The following PPP6R2 variants were observed in gnomAD, a reference collection of about 807,000 sequenced individuals.
PPP6R2 encodes the protein serine/threonine-protein phosphatase 6 regulatory subunit 2.
Under a neutral mutation model 100.2 loss-of-function variants are expected in PPP6R2, and 62 were observed. That is an observed-to-expected ratio of 0.62 (90% CI 0.50 to 0.76). PPP6R2 has a LOEUF of 0.76. Among genes scored for constraint, PPP6R2 ranks in the 30% least tolerant of loss-of-function variants. The pLI is 0.00. For synonymous variants in PPP6R2, 525 were observed against 514.7 expected (o/e 1.02, Z -0.27); for missense variants, 1,142 against 1,276.3 (o/e 0.89, Z 1.60).
chr22:50,390,222 C>T (rs2055179940), intron 2 of PPP6R2, among the ~76,000 whole-genome samples: 1 of 152,076 alleles, frequency 6.6e-6, no homozygotes, highest in Non-Finnish European at 1.5e-5. Flanking sequence ...AAACTCCTGA[C>T]CTCAGGTGAT....
At chr22:50,387,381 T>C (rs1214628342) in intron 2 of PPP6R2, among the ~76,000 whole-genome samples, 3 of 152,208 alleles carry the variant, frequency 2.0e-5, no homozygotes, top group Non-Finnish European at 4.4e-5. Context: ...CTTCTGATTT[T>C]GGATTTTTAC....
chr22:50,371,446 G>C (rs534862666), intron 1 of PPP6R2, among the ~76,000 whole-genome samples: 323 of 152,056 alleles, frequency 2.1e-3, no homozygotes, highest in Middle Eastern at 6.8e-3. Flanking sequence ...GACTGGAGCT[G>C]TGAATAGCTA....
chr22:50,396,222 T>C (rs113326239), intron 3 of PPP6R2, among the ~76,000 whole-genome samples: 47 of 84,780 alleles, frequency 5.5e-4, no homozygotes, highest in African/African-American at 1.8e-3. Flanking sequence ...AAAAGCCGGG[T>C]GTGGTGGCTC....
intron 1 of PPP6R2, among the ~76,000 whole-genome samples, chr22:50,371,537 T>C (rs1275555157): frequency 1.3e-5 from 2 of 152,198 alleles, no homozygotes; most frequent in African/African-American, 4.8e-5. Context: ...TAAAATATCA[T>C]TTTAACTGTC....
At chr22:50,422,203 T>C in intron 8 of PPP6R2, 51 bp from the exon 9 acceptor site, 1 of 1,586,280 alleles carries the variant, frequency 6.3e-7, no homozygotes, top group Non-Finnish European at 8.6e-7. Flanking sequence ...GCTGGTGAGG[T>C]TGGACAGGGT....
chr22:50,368,199 G>C (rs945884779), intron 1 of PPP6R2, among the ~76,000 whole-genome samples: 1 of 152,236 alleles, frequency 6.6e-6, no homozygotes, highest in African/African-American at 2.4e-5. Context: ...TCACAGAGAC[G>C]TTTACGCCTC....
At chr22:50,342,845 G>T (rs1462530029), upstream of PPP6R2, among the ~76,000 whole-genome samples, 1 of 151,986 alleles carries the variant, frequency 6.6e-6, no homozygotes, top group Non-Finnish European at 1.5e-5. Context: ...GACGCGGGAC[G>T]GGGAGGGGCC....
chr22:50,382,233 T>C (rs1305304441), intron 2 of PPP6R2, among the ~76,000 whole-genome samples: 1 of 152,116 alleles, frequency 6.6e-6, no homozygotes, highest in Non-Finnish European at 1.5e-5. Context: ...TCCAAAATGA[T>C]CCAAAGCTAT....
intron 22 of PPP6R2, chr22:50,443,181 TCTC>T (rs965858360): frequency 6.6e-6 from 1 of 152,050 alleles, no homozygotes; most frequent in Admixed American, 6.5e-5. Flanking sequence ...TTTACCCACT[TCTC>T]CTAAACAACC....
chr22:50,439,666 G>A (rs761459327), intron 19 of PPP6R2, 35 bp from the exon 20 acceptor site: 1 of 1,520,094 alleles, frequency 6.6e-7, no homozygotes, highest in South Asian at 1.3e-5. Context: ...CCCCAGGCCT[G>A]CCCACGCCTG....
upstream of PPP6R2, among the ~76,000 whole-genome samples, chr22:50,341,086 A>G (rs1169351519): frequency 6.6e-6 from 1 of 150,790 alleles, no homozygotes; most frequent in Non-Finnish European, 1.5e-5. Flanking sequence ...AATTTTTTAT[A>G]TGTTTAGTAG....
In PPP6R2 at chr22:50,385,192, A is replaced by AGTTTT. The variant is rs199598523; in HGVS notation, c.-16-8684_-16-8680dup. On this transcript the variant is annotated intron_variant, in intron 2 of 23. Transcript: ENST00000612753. The stretch of plus-strand genomic sequence containing the variant: ...TTTCAATACTGCCACACTGGGATTA[A>AGTTTT]GTTTTGTTTTGTTTTGTTTTGGAGA... 1.9e-3 allele frequency among the ~76,000 whole-genome samples: 294 copies of AGTTTT among 152,014 alleles called. 8 individuals are homozygous for AGTTTT. In the East Asian group the frequency reaches 0.044, roughly 23 times the overall value.
intron 4 of PPP6R2, among the ~76,000 whole-genome samples, chr22:50,409,745 G>A (rs1232459615): frequency 2.6e-5 from 4 of 151,932 alleles, no homozygotes; most frequent in African/African-American, 9.7e-5. Flanking sequence ...GATGATTTTT[G>A]AGATGGAGTT....
At chr22:50,404,476 TGCCTCCCGGGCTCAAGCCATCCTGC>T (rs1343313355) in intron 3 of PPP6R2, among the ~76,000 whole-genome samples, 37 of 152,016 alleles carry the variant, frequency 2.4e-4, no homozygotes, top group Middle Eastern at 3.4e-3. Flanking sequence ...CGGCAACCTC[TGCCTCCCGGGCTCAAGCCATCCTGC>T]GCCTCCCGGG....
At chr22:50,442,587 T>C (rs552272745) in intron 22 of PPP6R2, among the ~76,000 whole-genome samples, 82 of 152,250 alleles carry the variant, frequency 5.4e-4, no homozygotes, top group African/African-American at 1.9e-3. Context: ...TCTTGCTCTG[T>C]TGCCCAGGCT....
In PPP6R2 at chr22:50,418,975, G is replaced by A. The variant is rs1308764537; in HGVS notation, c.727G>A (p.Glu243Lys). The A allele has an allele frequency of 2.5e-6, 4 of 1,611,682 alleles. No homozygotes were observed. The African/African-American group carries it at 5.3e-5, about 22-fold the overall frequency. Residue 243 changes from glutamate (E) to lysine (K), a missense_variant, in exon 7 of 24, where the codon GAG becomes AAG. This residue lies in a region of PPP6R2 where 592 missense variants were observed against 758.9 expected (regional missense o/e 0.78). Coordinates refer to ENST00000612753, the MANE Select transcript of PPP6R2 (RefSeq NM_001242898.2). ...LEPDPLLTAL[E>K]SQDCVEQLLK... ...GCCAGACCCGCTCCTCACAGCGCTGGAGTCGTGAGTGCTGGTGGGCCGTGG... is the reference window on the plus strand; with the variant it reads ...GCCAGACCCGCTCCTCACAGCGCTGAAGTCGTGAGTGCTGGTGGGCCGTGG...
chr22:50,367,043 A>G (rs1170246240), intron 1 of PPP6R2, among the ~76,000 whole-genome samples: 1 of 151,930 alleles, frequency 6.6e-6, no homozygotes, highest in Non-Finnish European at 1.5e-5. Flanking sequence ...CGTCTTGGCC[A>G]GAAACAAAAG....
chr22:50,346,505 C>T (rs1484120902), intron 1 of PPP6R2, among the ~76,000 whole-genome samples: 1 of 121,534 alleles, frequency 8.2e-6, no homozygotes, highest in Non-Finnish European at 1.8e-5. Flanking sequence ...CCCAGTCAGT[C>T]AGTGCCCCCC....
At chr22:50,419,055 G>A in intron 7 of PPP6R2, 76 bp downstream of exon 7, 1 of 1,204,782 alleles carries the variant, frequency 8.3e-7, no homozygotes. Flanking sequence ...CTTGCTCTGA[G>A]CACCAGGATA....
Sources: gnomAD v4.1 joint callset for allele counts (sites outside exome capture counted in the v4.1 genomes callset) on GRCh38, gnomAD v4.1.1 for gene constraint, gnomAD v4.1.1 regional missense constraint, MANE v1.5 for transcripts, NCBI Gene and HGNC (gene_info 2026-07-23, HGNC 2026-07-21) for gene names.